PTPRD: variants seen among roughly 807,000 people sequenced by gnomAD.
PTPRD encodes the protein protein tyrosine phosphatase receptor type D, also known as receptor-type tyrosine-protein phosphatase delta.
PTPRD carries 34 observed loss-of-function variants against 214.5 expected under a neutral mutation model. That is an observed-to-expected ratio of 0.16 (90% CI 0.12 to 0.21). The LOEUF (loss-of-function observed/expected upper bound fraction) is 0.21. Ranked by LOEUF, PTPRD falls within the 10% of genes least tolerant of loss-of-function variation. The pLI is 1.00. For missense variants in PTPRD, 2,545 were observed against 2,398.7 expected (o/e 1.06, Z -1.27); for synonymous variants, 1,128 against 845.7 (o/e 1.33, Z -5.79).
chr9:9,922,830 G>C (rs2082959395), intron 5 of PTPRD, among the ~76,000 whole-genome samples: 2 of 152,024 alleles, frequency 1.3e-5, no homozygotes, highest in Admixed American at 1.3e-4. Context: ...AGGTTTTCCA[G>C]ATTGAAGGGG....
Position 10,413,525 on chromosome 9 carries a change from C to T in PTPRD, c.-599-72508G>A, listed in dbSNP as rs552193100. Reference sequence around the variant, plus strand: ...GAAGAATCAATATCATTAAAATGGCCATACTGCCCAAAGCAATTTACAGAT... The same window carrying T: ...GAAGAATCAATATCATTAAAATGGCTATACTGCCCAAAGCAATTTACAGAT... On this transcript the variant is annotated intron_variant, in intron 2 of 45. Transcript: ENST00000381196. Among the ~76,000 whole-genome samples, 14 of 152,078 alleles carry T rather than the reference C, an allele frequency of 9.2e-5. No individual in the cohort carries two copies. The South Asian group carries it at 2.9e-3, about 32-fold the overall frequency.
At position 9,058,442 on chromosome 9, in the gene PTPRD, G is replaced by GTTTTTTTTTTTTTTTTTTTTTT. The variant is rs777910266; in HGVS notation, c.-142-39729_-142-39708dup. Among the ~76,000 whole-genome samples the GTTTTTTTTTTTTTTTTTTTTTT allele has an allele frequency of 3.6e-4, 25 of 69,916 alleles. 10 individuals carry two copies. The highest frequency in any genetic ancestry group is 5.8e-4 in the Non-Finnish European group (22 of 38,076). 45.9% of individuals were successfully genotyped at this position (69,916 alleles called of 152,430 possible). On this transcript the variant is annotated intron_variant, in intron 10 of 45. Coordinates refer to ENST00000381196, the MANE Select transcript of PTPRD (RefSeq NM_002839.4). The stretch of plus-strand genomic sequence containing the variant: ...TATTGGTGAGAGAAATATTATGAGG[G>GTTTTTTTTTTTTTTTTTTTTTT]TTTTTTTTTTTTTTTTTTTTTTTTT...
intron 4 of PTPRD, among the ~76,000 whole-genome samples, chr9:9,944,792 T>C (rs186361323): frequency 6.6e-6 from 1 of 152,202 alleles, no homozygotes; most frequent in East Asian, 1.9e-4. Flanking sequence ...GAGTAAGTTA[T>C]TTTAAAAACT....
intron 2 of PTPRD, among the ~76,000 whole-genome samples, chr9:10,434,965 C>G (rs149557587): frequency 1.6e-4 from 25 of 151,880 alleles, no homozygotes; most frequent in African/African-American, 6.0e-4. Context: ...ACCCCGAGCG[C>G]TGGACTAGGA....
intron 9 of PTPRD, among the ~76,000 whole-genome samples, chr9:9,382,816 G>T (rs1037842776): frequency 1.4e-4 from 21 of 151,960 alleles, no homozygotes; most frequent in African/African-American, 4.6e-4. Context: ...TACATTCAAA[G>T]AATTGAAATG....
At chr9:8,401,828 T>C (rs12353003) in intron 36 of PTPRD, among the ~76,000 whole-genome samples, 4,679 of 152,188 alleles carry the variant, frequency 0.031, 203 homozygotes, top group African/African-American at 0.097. Flanking sequence ...ACTGAGAGAA[T>C]AGAACAAAAA....
intron 4 of PTPRD, among the ~76,000 whole-genome samples, chr9:10,029,495 T>G (rs1014883124): frequency 6.6e-6 from 1 of 152,192 alleles, no homozygotes; most frequent in Admixed American, 6.5e-5. Context: ...ATCTTTTCCA[T>G]CAGCATGACC....
At chr9:10,520,590 G>C (rs2051856600) in intron 2 of PTPRD, among the ~76,000 whole-genome samples, 1 of 152,156 alleles carries the variant, frequency 6.6e-6, no homozygotes, top group Non-Finnish European at 1.5e-5. Context: ...ACTTCTATTG[G>C]AAGAAGCATA....
chr9:8,834,827 T>G (rs755234913), intron 11 of PTPRD, among the ~76,000 whole-genome samples: 1 of 152,182 alleles, frequency 6.6e-6, no homozygotes, highest in East Asian at 1.9e-4. Flanking sequence ...GGGCAAAATA[T>G]ATAAACTTGC....
At chr9:8,450,292 T>A (rs993176056) in intron 33 of PTPRD, among the ~76,000 whole-genome samples, 13 of 152,100 alleles carry the variant, frequency 8.5e-5, no homozygotes, top group African/African-American at 3.1e-4. Context: ...TAAGTATATA[T>A]AAGTGGTGAC....
At chr9:8,331,778 C>G (rs771449906) in intron 43 of PTPRD, 42 bp from the exon 44 acceptor site, 3 of 1,528,450 alleles carry the variant, frequency 2.0e-6, no homozygotes, top group Non-Finnish European at 2.6e-6. Flanking sequence ...AAGGAAGACG[C>G]CAGGAGGATT....
At chr9:8,463,535 C>T (rs578078117) in intron 32 of PTPRD, among the ~76,000 whole-genome samples, 7 of 151,864 alleles carry the variant, frequency 4.6e-5, no homozygotes, top group Non-Finnish European at 7.4e-5. Flanking sequence ...ATAATAATCA[C>T]GGTCCATTGA....
chr9:9,718,553 T>G (rs1345432000), intron 7 of PTPRD, among the ~76,000 whole-genome samples: 1 of 152,222 alleles, frequency 6.6e-6, no homozygotes, highest in Non-Finnish European at 1.5e-5. Context: ...GGCATCCCTG[T>G]GCTCTCAGAG....
At chr9:8,941,318 A>G (rs2099032569) in intron 11 of PTPRD, among the ~76,000 whole-genome samples, 1 of 152,230 alleles carries the variant, frequency 6.6e-6, no homozygotes, top group South Asian at 2.1e-4. Context: ...AACTAGTTTC[A>G]GGCAGTTTAT....
chr9:10,354,238 G>C (rs1241650206), intron 2 of PTPRD, among the ~76,000 whole-genome samples: 2 of 152,030 alleles, frequency 1.3e-5, no homozygotes, highest in Non-Finnish European at 2.9e-5. Context: ...TTTGCAATTT[G>C]CTTAGCTTTA....
chr9:10,147,268 T>G (rs1194113042), intron 3 of PTPRD, among the ~76,000 whole-genome samples: 1 of 151,020 alleles, frequency 6.6e-6, no homozygotes. Flanking sequence ...ATAGTTCTTT[T>G]TTTTTATTAT....
rs114404221 is a variant in PTPRD at position 9,384,881 on chromosome 9, C to T, written c.-203+12568G>A. 4.2e-3 allele frequency among the ~76,000 whole-genome samples: 638 copies of T among 152,166 alleles called. 3 individuals are homozygous for T. Among genetic ancestry groups the T allele is most frequent in the African/African-American group, 0.015 (605 of 41,552 alleles). ...ATTAGAAAAGAAAGTGCCTCTGAAACAATTATGCATTCTGAAACTCTCAAA... is the reference window on the plus strand; with the variant it reads ...ATTAGAAAAGAAAGTGCCTCTGAAATAATTATGCATTCTGAAACTCTCAAA... On this transcript the variant is annotated intron_variant, in intron 9 of 45. Coordinates refer to ENST00000381196, the MANE Select transcript of PTPRD (RefSeq NM_002839.4).
Position 8,331,577 on chromosome 9 carries a change from C to CTT in PTPRD, c.5534+3_5534+4dup, listed in dbSNP as rs1841201463. The stretch of plus-strand genomic sequence containing the variant: ...TCACTGCTTTATTCACAAATGGAAA[C>CTT]TTACCTGCAATGGACTGAAATGGGT... On this transcript the variant is annotated splice_donor_region_variant and intron_variant, in intron 44 of 45. Coordinates refer to ENST00000381196, the MANE Select transcript of PTPRD (RefSeq NM_002839.4). The CTT allele has an allele frequency of 6.2e-7, 1 of 1,613,800 alleles. No homozygotes were observed. The highest frequency in any genetic ancestry group is 8.5e-7 in the Non-Finnish European group (1 of 1,179,902).
rs545983599 is a variant in PTPRD at position 9,139,106 on chromosome 9, C to T, written c.-143+44198G>A. On this transcript the variant is annotated intron_variant, in intron 10 of 45. Transcript: ENST00000381196. ...GCTATGCAGGAGCCCCCCTCCCCCC[C>T]GCCCCCACCTTATCCGTGGGGGATA... 7.2e-5 allele frequency among the ~76,000 whole-genome samples: 11 copies of T among 151,860 alleles called. No individual in the cohort carries two copies. In the South Asian group the frequency reaches 1.0e-3, roughly 14 times the overall value.
Sources: gnomAD v4.1 joint callset for allele counts (sites outside exome capture counted in the v4.1 genomes callset) on GRCh38, gnomAD v4.1.1 for gene constraint, MANE v1.5 for transcripts, NCBI Gene and HGNC (gene_info 2026-07-23, HGNC 2026-07-21) for gene names.